GALNT17: variants seen among roughly 807,000 people sequenced by gnomAD.
GALNT17 encodes the protein polypeptide N-acetylgalactosaminyltransferase 17.
GALNT17 carries 29 observed loss-of-function variants against 63.7 expected under a neutral mutation model. That is an observed-to-expected ratio of 0.46 (90% confidence interval 0.34 to 0.62). The LOEUF (loss-of-function observed/expected upper bound fraction) is 0.62. GALNT17 is among the 20% of genes least tolerant of loss of function. GALNT17 has a pLI of 0.01. For synonymous variants in GALNT17, 305 were observed against 318.3 expected (o/e 0.96, Z 0.45); for missense variants, 603 against 799.6 (o/e 0.75, Z 2.97).
At chr7:71,516,902 C>T (rs960046813) in intron 5 of GALNT17, among the ~76,000 whole-genome samples, 16 of 152,166 alleles carry the variant, frequency 1.1e-4, no homozygotes, top group Non-Finnish European at 2.2e-4. Flanking sequence ...CTCCCAGGGT[C>T]ATGCTTGGTT....
At chr7:71,176,002 T>C (rs1385314245) in intron 1 of GALNT17, among the ~76,000 whole-genome samples, 1 of 152,156 alleles carries the variant, frequency 6.6e-6, no homozygotes, top group Non-Finnish European at 1.5e-5. Context: ...TTGTAATGGC[T>C]CAAATGTGGA....
At chr7:71,487,047 A>C (rs919485374) in intron 5 of GALNT17, among the ~76,000 whole-genome samples, 7 of 152,148 alleles carry the variant, frequency 4.6e-5, no homozygotes. Flanking sequence ...ACGAAGCTTC[A>C]GCAACCCTGC....
intron 2 of GALNT17, among the ~76,000 whole-genome samples, chr7:71,361,562 G>A (rs1792401984): frequency 6.6e-6 from 1 of 152,108 alleles, no homozygotes; most frequent in Non-Finnish European, 1.5e-5. Flanking sequence ...ATGTGAAAAT[G>A]CACAAGACCT....
intron 5 of GALNT17, among the ~76,000 whole-genome samples, chr7:71,517,973 C>T (rs1788470813): frequency 6.6e-6 from 1 of 152,140 alleles, no homozygotes; most frequent in African/African-American, 2.4e-5. Flanking sequence ...GAATTCTTAT[C>T]TCAGAGGGAG....
At chr7:71,381,117 C>T (rs957957970) in intron 2 of GALNT17, among the ~76,000 whole-genome samples, 12 of 152,042 alleles carry the variant, frequency 7.9e-5, no homozygotes, top group East Asian at 3.9e-4. Flanking sequence ...TGTGCCACCA[C>T]GCCCAGCTGA....
intron 2 of GALNT17, among the ~76,000 whole-genome samples, chr7:71,338,334 A>C (rs986290051): frequency 2.1e-5 from 3 of 146,184 alleles, no homozygotes; most frequent in Non-Finnish European, 4.5e-5. Context: ...CTCAAAAAAA[A>C]AATAAATAAA....
At chr7:71,323,338 T>C (rs1428681639) in intron 1 of GALNT17, among the ~76,000 whole-genome samples, 1 of 152,144 alleles carries the variant, frequency 6.6e-6, no homozygotes, top group African/African-American at 2.4e-5. Flanking sequence ...ACTCTGGAAT[T>C]TCTGCACCAA....
intron 9 of GALNT17, among the ~76,000 whole-genome samples, chr7:71,704,098 C>A (rs1226397836): frequency 6.6e-6 from 1 of 152,090 alleles, no homozygotes; most frequent in African/African-American, 2.4e-5. Flanking sequence ...TCAGTTGGCA[C>A]CTGTCCCTGG....
At chr7:71,525,736 C>CTTTTTT (rs71089950) in intron 5 of GALNT17, among the ~76,000 whole-genome samples, 264 of 75,026 alleles carry the variant, frequency 3.5e-3, no homozygotes, top group Non-Finnish European at 4.8e-3. Flanking sequence ...TATGTCTTTT[C>CTTTTTT]TTTTTTTTTT....
intron 1 of GALNT17, among the ~76,000 whole-genome samples, chr7:71,310,172 G>C (rs139626840): frequency 0.014 from 2,153 of 152,254 alleles, 25 homozygotes; most frequent in Middle Eastern, 0.027. Context: ...AAATTGCCCA[G>C]TCTCAGATAT....
intron 1 of GALNT17, among the ~76,000 whole-genome samples, chr7:71,245,982 C>T (rs1038962644): frequency 1.5e-4 from 23 of 151,412 alleles, no homozygotes; most frequent in African/African-American, 2.9e-4. Context: ...GTACATACTC[C>T]GAGCCATAAA....
chr7:71,412,700 A>C (rs1047854030), intron 3 of GALNT17, among the ~76,000 whole-genome samples: 2 of 152,180 alleles, frequency 1.3e-5, no homozygotes, highest in African/African-American at 2.4e-5. Context: ...CTGTCCTCAG[A>C]GAAACTCATC....
intron 6 of GALNT17, among the ~76,000 whole-genome samples, chr7:71,643,348 A>T (rs1790630315): frequency 6.6e-6 from 1 of 152,014 alleles, no homozygotes; most frequent in African/African-American, 2.4e-5. Flanking sequence ...TGTGCCTGTA[A>T]TCCCAGCTAC....
intron 2 of GALNT17, among the ~76,000 whole-genome samples, chr7:71,362,977 T>C (rs7791195): frequency 0.32 from 47,741 of 150,114 alleles, 7,681 homozygotes; most frequent in East Asian, 0.47. Context: ...TTCTTTCTTT[T>C]TTTTTTTGAG....
At chr7:71,610,675 T>C (rs1790112050) in intron 6 of GALNT17, among the ~76,000 whole-genome samples, 1 of 151,970 alleles carries the variant, frequency 6.6e-6, no homozygotes, top group Admixed American at 6.6e-5. Context: ...TTACATGAGA[T>C]TCTGGAGAAA....
intron 8 of GALNT17, among the ~76,000 whole-genome samples, chr7:71,674,349 T>TAAA (rs398005156): frequency 4.0e-5 from 6 of 148,962 alleles, no homozygotes; most frequent in African/African-American, 1.5e-4. Context: ...TCTTCCTTTT[T>TAAA]AAAAAAAAAA....
chr7:71,536,746 T>C (rs912284027), intron 5 of GALNT17, among the ~76,000 whole-genome samples: 1 of 152,162 alleles, frequency 6.6e-6, no homozygotes, highest in African/African-American at 2.4e-5. Flanking sequence ...AGCTAAACTA[T>C]ATCAAGCTCC....
chr7:71,564,625 G>A (rs901828292), intron 5 of GALNT17, among the ~76,000 whole-genome samples: 26 of 151,944 alleles, frequency 1.7e-4, no homozygotes, highest in African/African-American at 6.0e-4. Flanking sequence ...AGCGACCATC[G>A]TCACACATTC....
Position 71,339,303 on chromosome 7 carries a change from C to T in GALNT17, c.422+3570C>T, listed in dbSNP as rs534215012. Among the ~76,000 whole-genome samples, 42 of 152,222 alleles carry T rather than the reference C, an allele frequency of 2.8e-4. 1 individual carries two copies. The highest frequency in any genetic ancestry group is 1.5e-3 in the South Asian group (7 of 4,818). On this transcript the variant is annotated intron_variant, in intron 2 of 10. Transcript: ENST00000333538. ...ATCAGGTCAGCACAAGGGTATGTGC[C>T]GGCTAGAGATTCACACAGCATGTGC...
Sources: allele counts gnomAD v4.1 joint callset (sites outside exome capture counted in the v4.1 genomes callset), GRCh38; gene constraint gnomAD v4.1.1; transcripts MANE v1.5; gene names NCBI Gene and HGNC (gene_info 2026-07-23, HGNC 2026-07-21).